SORCS1: variants seen among roughly 807,000 people sequenced by gnomAD.
The protein encoded by SORCS1 is VPS10 domain-containing receptor SorCS1.
SORCS1 carries 60 observed loss-of-function variants against 146.1 expected under a neutral mutation model. The observed-to-expected ratio is 0.41, with a 90% CI of 0.33 to 0.51. The LOEUF (loss-of-function observed/expected upper bound fraction) is 0.51. SORCS1 is among the 20% of genes least tolerant of loss of function. SORCS1 has a pLI of 0.21. For synonymous variants in SORCS1, 637 were observed against 584.0 expected, an observed-to-expected ratio of 1.09 and a Z score of -1.31; for missense variants, 1,352 against 1,487.6, an observed-to-expected ratio of 0.91 and a Z score of 1.50.
chr10:106,954,789 T>C (rs1309917737), intron 2 of SORCS1, among the ~76,000 whole-genome samples: 1 of 152,032 alleles, frequency 6.6e-6, no homozygotes, highest in Non-Finnish European at 1.5e-5. Flanking sequence ...ATTTTGAGCC[T>C]ATAAAAACCC....
chr10:107,056,027 A>G (rs1290771584), intron 1 of SORCS1, among the ~76,000 whole-genome samples: 2 of 152,182 alleles, frequency 1.3e-5, no homozygotes, highest in Non-Finnish European at 2.9e-5. Context: ...TAATTTCAGA[A>G]CCCAGTAGTT....
At chr10:106,643,113 A>T (rs1203483966) in intron 18 of SORCS1, among the ~76,000 whole-genome samples, 1 of 152,216 alleles carries the variant, frequency 6.6e-6, no homozygotes, top group Non-Finnish European at 1.5e-5. Flanking sequence ...TAGATCCTGG[A>T]TTAGACCCTA....
chr10:106,757,849 G>A (rs1448828777), intron 5 of SORCS1, among the ~76,000 whole-genome samples: 4 of 152,166 alleles, frequency 2.6e-5, no homozygotes, highest in African/African-American at 4.8e-5. Flanking sequence ...TTCAAATTCT[G>A]GCTCTGGCAC....
chr10:106,719,755 C>T (rs951156278), intron 6 of SORCS1, among the ~76,000 whole-genome samples: 8 of 152,144 alleles, frequency 5.3e-5, no homozygotes, highest in African/African-American at 1.9e-4. Context: ...TCCATACCAG[C>T]TATCATACCT....
intron 3 of SORCS1, among the ~76,000 whole-genome samples, chr10:106,828,742 T>C (rs1948405015): frequency 6.6e-6 from 1 of 152,228 alleles, no homozygotes; most frequent in African/African-American, 2.4e-5. Flanking sequence ...ATAGATGTAG[T>C]ACCACTCCCC....
chr10:106,997,246 G>C (rs774801716), intron 1 of SORCS1, among the ~76,000 whole-genome samples: 1 of 152,140 alleles, frequency 6.6e-6, no homozygotes, highest in Admixed American at 6.5e-5. Context: ...CTTATAAATA[G>C]TTGGTGAACT....
intron 1 of SORCS1, among the ~76,000 whole-genome samples, chr10:107,087,606 C>CAA (rs1363313795): frequency 6.6e-6 from 1 of 152,140 alleles, no homozygotes; most frequent in Non-Finnish European, 1.5e-5. Context: ...ACCACCTGGT[C>CAA]AATGCTCAAT....
intron 19 of SORCS1, among the ~76,000 whole-genome samples, chr10:106,624,196 AAGAC>A (rs2133531924): frequency 1.3e-5 from 2 of 152,258 alleles, no homozygotes; most frequent in South Asian, 4.1e-4. Flanking sequence ...AATAAAGTGA[AAGAC>A]AGCACCAAGT....
chr10:106,681,050 G>C (rs1852400790), intron 10 of SORCS1, among the ~76,000 whole-genome samples: 1 of 152,104 alleles, frequency 6.6e-6, no homozygotes, highest in Non-Finnish European at 1.5e-5. Context: ...TTCATGTAAA[G>C]CTTTCAAAAA....
At chr10:106,928,026 G>C (rs532423466) in intron 2 of SORCS1, among the ~76,000 whole-genome samples, 2 of 152,244 alleles carry the variant, frequency 1.3e-5, no homozygotes, top group Non-Finnish European at 2.9e-5. Flanking sequence ...CCAGACTCAG[G>C]AGCCCAGCTG....
At chr10:106,811,454 A>G (rs1184122983) in intron 3 of SORCS1, among the ~76,000 whole-genome samples, 1 of 152,200 alleles carries the variant, frequency 6.6e-6, no homozygotes, top group African/African-American at 2.4e-5. Context: ...GGAGATGGAA[A>G]AGTGGCACAT....
intron 2 of SORCS1, among the ~76,000 whole-genome samples, chr10:106,868,485 C>A (rs2137542763): frequency 6.6e-6 from 1 of 152,246 alleles, no homozygotes; most frequent in South Asian, 2.1e-4. Flanking sequence ...GAACCAAATT[C>A]ATACCAAACA....
At chr10:106,667,918 T>TAA in intron 16 of SORCS1, 116 bp from the exon 17 acceptor site, 1 of 434,620 alleles carries the variant, frequency 2.3e-6, no homozygotes, top group South Asian at 3.5e-5. Context: ...CAAACAAAAA[T>TAA]AAAAACAAAA....
chr10:107,108,211 A>G (rs1965433856), intron 1 of SORCS1, among the ~76,000 whole-genome samples: 1 of 152,216 alleles, frequency 6.6e-6, no homozygotes, highest in Admixed American at 6.5e-5. Flanking sequence ...TCAGCTGTAT[A>G]TCCTGAAGCA....
At chr10:106,746,439 A>G (rs1857750711) in intron 5 of SORCS1, among the ~76,000 whole-genome samples, 1 of 152,254 alleles carries the variant, frequency 6.6e-6, no homozygotes, top group Admixed American at 6.5e-5. Context: ...TTTCCTACAA[A>G]GAGGAAAGTA....
At chr10:106,893,622 T>C (rs1951323362) in intron 2 of SORCS1, among the ~76,000 whole-genome samples, 2 of 152,312 alleles carry the variant, frequency 1.3e-5, no homozygotes, top group Non-Finnish European at 2.9e-5. Flanking sequence ...TGTTGCCACA[T>C]GTTGCATGCA....
At chr10:106,685,570 G>T (rs1048975911) in intron 10 of SORCS1, among the ~76,000 whole-genome samples, 2 of 152,090 alleles carry the variant, frequency 1.3e-5, no homozygotes, top group African/African-American at 2.4e-5. Context: ...ACAAAGAGAA[G>T]GGCATTTTAA....
chr10:106,975,979 C>T (rs2139275225), intron 1 of SORCS1, among the ~76,000 whole-genome samples: 1 of 152,154 alleles, frequency 6.6e-6, no homozygotes, highest in East Asian at 1.9e-4. Context: ...GAAACTCCGT[C>T]TCTACTAACA....
At chr10:106,613,322 C>A (rs1361926348) in intron 21 of SORCS1, among the ~76,000 whole-genome samples, 4 of 152,052 alleles carry the variant, frequency 2.6e-5, no homozygotes, top group African/African-American at 9.7e-5. Flanking sequence ...TCATGGAGAA[C>A]TATCGACCAC....
Sources: allele counts gnomAD v4.1 joint callset (sites outside exome capture counted in the v4.1 genomes callset), GRCh38; gene constraint gnomAD v4.1.1; transcripts MANE v1.5; gene names NCBI Gene and HGNC (gene_info 2026-07-23, HGNC 2026-07-21).